Variants in RIT2 observed in about 807,000 individuals in gnomAD.
RIT2 encodes the protein GTP-binding protein Rit2.
RIT2 carries 24 observed loss-of-function variants against 23.7 expected under a neutral mutation model. That is an observed-to-expected ratio of 1.01 (90% CI 0.73 to 1.43). The LOEUF is 1.43. Ranked by LOEUF, RIT2 falls within the 40% of genes most tolerant of loss-of-function variation. RIT2 has a pLI of 0.00. For missense variants in RIT2, 236 were observed against 266.9 expected (o/e 0.88, Z 0.81); for synonymous variants, 107 against 91.1 (o/e 1.17, Z -0.99).
chr18:42,861,694 T>C (rs1371383895), intron 4 of RIT2, among the ~76,000 whole-genome samples: 1 of 152,192 alleles, frequency 6.6e-6, no homozygotes, highest in African/African-American at 2.4e-5. Context: ...GGGTCACCCA[T>C]TTTGTTAAGA....
chr18:42,800,320 T>G (rs1451920888), intron 4 of RIT2, among the ~76,000 whole-genome samples: 2 of 152,164 alleles, frequency 1.3e-5, no homozygotes, highest in African/African-American at 4.8e-5. Context: ...TGTAACTTTA[T>G]CCACTGTATA....
At chr18:42,822,506 T>C (rs1906181072) in intron 4 of RIT2, among the ~76,000 whole-genome samples, 1 of 152,128 alleles carries the variant, frequency 6.6e-6, no homozygotes, top group African/African-American at 2.4e-5. Flanking sequence ...CAATGGTTGG[T>C]TCCAATACAT....
Position 42,772,799 on chromosome 18 carries a change from C to G in RIT2, c.427-29079G>C, listed in dbSNP as rs181631630. 3.1e-3 allele frequency among the ~76,000 whole-genome samples: 476 copies of G among 152,218 alleles called. 3 individuals are homozygous for G. Among genetic ancestry groups the G allele is most frequent in the South Asian group, 0.018 (86 of 4,824 alleles). ...CATGATTAAAAGTTGAAATTTTCAG[C>G]CTCACCCCCGAAACTCTGGGAAGGG... On this transcript the variant is annotated intron_variant, in intron 4 of 4. Transcript: ENST00000326695.
intron 4 of RIT2, among the ~76,000 whole-genome samples, chr18:42,878,565 CTGTGTGTGTGTGTGTG>C (rs71371607): frequency 1.4e-5 from 2 of 147,496 alleles, no homozygotes; most frequent in African/African-American, 5.0e-5. Context: ...AGATTCAACT[CTGTGTGTGTGTGTGTG>C]TGTGTGTGTG....
At chr18:42,945,201 A>G (rs931877481) in intron 3 of RIT2, among the ~76,000 whole-genome samples, 1 of 152,070 alleles carries the variant, frequency 6.6e-6, no homozygotes, top group African/African-American at 2.4e-5. Flanking sequence ...CTTGTACTTT[A>G]TAAGATATTT....
rs148445632 is a variant in RIT2, at chr18:43,065,851, C to T, written c.104-31984G>A. Reference sequence around the variant, plus strand: ...AAAGGTAGAAGTGGTAGGTGGAAAACTTCAGATATATAAATAATGGCTTAA... The same window carrying T: ...AAAGGTAGAAGTGGTAGGTGGAAAATTTCAGATATATAAATAATGGCTTAA... On this transcript the variant is annotated intron_variant, in intron 1 of 4. Coordinates refer to ENST00000326695, the MANE Select transcript of RIT2 (RefSeq NM_002930.4). Among the ~76,000 whole-genome samples the T allele has an allele frequency of 3.5e-3, 536 of 152,104 alleles. 3 individuals are homozygous for T. The highest frequency in any genetic ancestry group is 0.011 in the African/African-American group (453 of 41,520).
At chr18:42,852,661 C>A (rs1265646512) in intron 4 of RIT2, among the ~76,000 whole-genome samples, 1 of 152,098 alleles carries the variant, frequency 6.6e-6, no homozygotes, top group Non-Finnish European at 1.5e-5. Flanking sequence ...CCCTTTATAA[C>A]TTTGTCACCT....
intron 2 of RIT2, among the ~76,000 whole-genome samples, chr18:43,018,799 G>A (rs1244289358): frequency 6.6e-6 from 1 of 151,962 alleles, no homozygotes; most frequent in Non-Finnish European, 1.5e-5. Flanking sequence ...CGCAAGAAAT[G>A]CTAAGGGAGT....
chr18:42,836,984 T>TATGGAGACA (rs1284631431), intron 4 of RIT2, among the ~76,000 whole-genome samples: 1 of 152,046 alleles, frequency 6.6e-6, no homozygotes, highest in African/African-American at 2.4e-5. Context: ...TCAAACTATC[T>TATGGAGACA]ATGGAGACAG....
At chr18:43,038,865 G>A (rs1481085430) in intron 1 of RIT2, among the ~76,000 whole-genome samples, 2 of 151,252 alleles carry the variant, frequency 1.3e-5, no homozygotes, top group East Asian at 3.9e-4. Context: ...TCACATCAAG[G>A]GTGTTGTCTT....
chr18:42,980,479 ACCACT>A (rs1910574090), intron 2 of RIT2, among the ~76,000 whole-genome samples: 1 of 151,862 alleles, frequency 6.6e-6, no homozygotes, highest in Non-Finnish European at 1.5e-5. Context: ...CTACCCCACT[ACCACT>A]AGGTAGGTAA....
At chr18:42,791,405 C>G (rs729581) in intron 4 of RIT2, among the ~76,000 whole-genome samples, 49,456 of 151,978 alleles carry the variant, frequency 0.33, 10,773 homozygotes, top group African/African-American at 0.61. Context: ...TTGTCAATAA[C>G]CTTAGTAACT....
chr18:42,949,730 C>A (rs1197206205), intron 3 of RIT2, among the ~76,000 whole-genome samples: 2 of 151,990 alleles, frequency 1.3e-5, no homozygotes, highest in Admixed American at 1.3e-4. Context: ...CTACTTGGGG[C>A]TTTGGGATTA....
At chr18:42,913,421 A>G (rs989613809) in intron 4 of RIT2, among the ~76,000 whole-genome samples, 1 of 151,970 alleles carries the variant, frequency 6.6e-6, no homozygotes, top group Non-Finnish European at 1.5e-5. Flanking sequence ...ACTCTGTAAA[A>G]GATCCCATTA....
At chr18:42,837,033 C>T (rs1347299579) in intron 4 of RIT2, among the ~76,000 whole-genome samples, 1 of 151,832 alleles carries the variant, frequency 6.6e-6, no homozygotes, top group African/African-American at 2.4e-5. Context: ...CCTGGATACA[C>T]AGTCCTAATG....
At chr18:42,973,985 A>G in intron 3 of RIT2, 89 bp downstream of exon 3, 2 of 803,060 alleles carry the variant, frequency 2.5e-6, no homozygotes, top group Non-Finnish European at 4.0e-6. Context: ...CTGCTTGAAT[A>G]AAGTCATCTT....
chr18:43,085,357 G>A (rs1913258564), intron 1 of RIT2, among the ~76,000 whole-genome samples: 1 of 151,882 alleles, frequency 6.6e-6, no homozygotes, highest in African/African-American at 2.4e-5. Flanking sequence ...TAGCAAGAGT[G>A]TGAAAAAAAT....
Position 43,083,926 on chromosome 18 carries a change from C to G in RIT2, c.103+31491G>C, listed in dbSNP as rs527480221. Reference sequence around the variant, plus strand: ...AAGGGCTTCTGCACAGCAAAAGAAACTATCATCAGAGTGAACAGGCAACCC... The same window carrying G: ...AAGGGCTTCTGCACAGCAAAAGAAAGTATCATCAGAGTGAACAGGCAACCC... On this transcript the variant is annotated intron_variant, in intron 1 of 4. Coordinates refer to ENST00000326695, the MANE Select transcript of RIT2 (RefSeq NM_002930.4). 1.1e-4 allele frequency among the ~76,000 whole-genome samples: 16 copies of G among 152,214 alleles called. No homozygotes were observed. In the East Asian group the frequency reaches 2.3e-3, roughly 22 times the overall value.
intron 4 of RIT2, among the ~76,000 whole-genome samples, chr18:42,914,359 T>A (rs1021174340): frequency 3.9e-5 from 6 of 152,120 alleles, no homozygotes; most frequent in African/African-American, 1.2e-4. Context: ...CATAGCAGCT[T>A]TCTTCATAAT....
Sources: allele counts gnomAD v4.1 joint callset (sites outside exome capture counted in the v4.1 genomes callset), GRCh38; gene constraint gnomAD v4.1.1; transcripts MANE v1.5; gene names NCBI Gene and HGNC (gene_info 2026-07-23, HGNC 2026-07-21).